Variants in RP1 observed in about 807,000 individuals in gnomAD.
RP1 encodes the protein oxygen-regulated protein 1.
RP1 carries 16 observed loss-of-function variants against 14.8 expected under a neutral mutation model. The observed-to-expected ratio is 1.08, with a 90% confidence interval of 0.73 to 1.65. The LOEUF (loss-of-function observed/expected upper bound fraction) is 1.65, where lower values mean the gene tolerates loss of function less well. Among genes scored for constraint, RP1 ranks in the 40% most tolerant of loss-of-function variants. The pLI is 0.00. For synonymous variants in RP1, 876 were observed against 883.6 expected (o/e 0.99, Z 0.15); for missense variants, 2,631 against 2,535.0 (o/e 1.04, Z -0.81).
chr8:54,849,934 T>C (rs3824189), intron 25 of RP1, among the ~76,000 whole-genome samples: 36,890 of 152,086 alleles, frequency 0.24, 5,198 homozygotes, highest in Middle Eastern at 0.45. Flanking sequence ...AAATACATAG[T>C]GTAGCTATCA....
At chr8:54,830,537 G>T (rs960446309) in intron 24 of RP1, among the ~76,000 whole-genome samples, 1 of 151,658 alleles carries the variant, frequency 6.6e-6, no homozygotes, top group Non-Finnish European at 1.5e-5. Flanking sequence ...GTGTTTTCTT[G>T]GTATCTCATT....
intron 4 of RP1, among the ~76,000 whole-genome samples, chr8:54,651,046 G>A (rs1806646797): frequency 6.6e-6 from 1 of 151,742 alleles, no homozygotes; most frequent in African/African-American, 2.4e-5. Flanking sequence ...GGGCAGTTTG[G>A]CATCAATTGA....
chr8:54,596,529 T>C (rs1049801700), intron 1 of RP1, among the ~76,000 whole-genome samples: 1 of 152,210 alleles, frequency 6.6e-6, no homozygotes, highest in African/African-American at 2.4e-5. Flanking sequence ...ACCACCTAGA[T>C]GTCTATGACC....
intron 6 of RP1, among the ~76,000 whole-genome samples, chr8:54,663,370 G>GA (rs1050600987): frequency 2.7e-5 from 4 of 150,902 alleles, no homozygotes; most frequent in Non-Finnish European, 5.9e-5. Context: ...GATATGGAAA[G>GA]AAAAAAAAAG....
At chr8:54,633,729 CTCTCTCTCTA>C (rs1372252936), downstream of RP1, among the ~76,000 whole-genome samples, 4 of 136,600 alleles carry the variant, frequency 2.9e-5, no homozygotes, top group Middle Eastern at 3.3e-3. Context: ...CTCTCTCTCT[CTCTCTCTCTA>C]TATATATATA....
At chr8:54,827,608 G>A (rs1811413619) in intron 24 of RP1, among the ~76,000 whole-genome samples, 1 of 152,174 alleles carries the variant, frequency 6.6e-6, no homozygotes, top group Non-Finnish European at 1.5e-5. Context: ...GGGATTACAG[G>A]CGTGAGCCAC....
intron 21 of RP1, chr8:54,758,839 T>TG: frequency 7.1e-7 from 1 of 1,403,414 alleles, no homozygotes. Flanking sequence ...CTGGCAGTCG[T>TG]TTAACTATTA....
At chr8:54,851,089 G>A (rs537965590) in intron 25 of RP1, among the ~76,000 whole-genome samples, 1 of 152,262 alleles carries the variant, frequency 6.6e-6, no homozygotes, top group East Asian at 1.9e-4. Flanking sequence ...GCATGTGCGT[G>A]CATACTTTTT....
intron 1 of RP1, among the ~76,000 whole-genome samples, chr8:54,581,934 G>T (rs1048716704): frequency 1.1e-3 from 161 of 151,954 alleles, no homozygotes; most frequent in African/African-American, 3.5e-3. Flanking sequence ...TGCAAAAATT[G>T]TCTCCCATTC....
chr8:54,680,516 G>A (rs944233456), intron 12 of RP1, among the ~76,000 whole-genome samples: 5 of 152,126 alleles, frequency 3.3e-5, no homozygotes, highest in Non-Finnish European at 1.5e-5. Flanking sequence ...CAACACCTAT[G>A]AATTTAACTG....
intron 12 of RP1, among the ~76,000 whole-genome samples, chr8:54,697,904 A>C (rs911967696): frequency 1.3e-5 from 2 of 152,240 alleles, no homozygotes; most frequent in Admixed American, 1.3e-4. Flanking sequence ...GATGGATTAA[A>C]GACTTAAACG....
At chr8:54,725,477 C>A (rs1397007387) in intron 16 of RP1, among the ~76,000 whole-genome samples, 2 of 152,134 alleles carry the variant, frequency 1.3e-5, no homozygotes, top group Non-Finnish European at 2.9e-5. Flanking sequence ...CTTCAGCCAC[C>A]AGTATTGTAT....
chr8:54,717,693 G>A (rs1808435961), intron 15 of RP1, among the ~76,000 whole-genome samples: 1 of 152,040 alleles, frequency 6.6e-6, no homozygotes, highest in South Asian at 2.1e-4. Flanking sequence ...CAAGAACAAA[G>A]CAAGGACATC....
At chr8:54,631,910 C>T (rs1406691295), downstream of RP1, among the ~76,000 whole-genome samples, 10 of 151,480 alleles carry the variant, frequency 6.6e-5, no homozygotes, top group South Asian at 1.5e-3. Context: ...GGTGCGATCT[C>T]GGCTCACCGC....
chr8:54,809,379 C>T (rs78967290), intron 24 of RP1, among the ~76,000 whole-genome samples: 3,434 of 152,264 alleles, frequency 0.023, 125 homozygotes, highest in African/African-American at 0.077. Context: ...CAAATTCTCA[C>T]AGGATATCAA....
chr8:54,769,776 C>A lies in RP1; in HGVS notation c.3284C>A (p.Ser1095Ter). 1 of 1,533,832 alleles carries A rather than the reference C, an allele frequency of 6.5e-7. No homozygotes were observed. Among genetic ancestry groups the A allele is most frequent in the Non-Finnish European group, 8.7e-7 (1 of 1,145,448 alleles). ...TTCATGTCTCAGGGCATAATTCATT[C>A]AGAAATTGAACTTTATCTTCAAGGT... The change falls in exon 23 of 23, where the codon TCA becomes TAA. Residue 1095 changes from serine (S) to a stop codon, truncating the protein, a stop_gained. Transcript: ENST00000636932. LOFTEE classifies it high-confidence loss of function.
rs76824553 is a variant in RP1, at chr8:54,744,737, C to T, written c.2808+5708C>T. On this transcript the variant is annotated intron_variant, in intron 19 of 22. Coordinates refer to the RP1 transcript ENST00000636932. ...AATACACTGGAAGTTTATTGCTATA[C>T]GGTACAAAATTTTATTCCTCCACGT... 2.5e-3 allele frequency among the ~76,000 whole-genome samples: 375 copies of T among 152,270 alleles called. 1 individual carries two copies. The highest frequency in any genetic ancestry group is 8.2e-3 in the African/African-American group (340 of 41,564).
At chr8:54,769,267 C>G (rs1809842362) in intron 22 of RP1, among the ~76,000 whole-genome samples, 1 of 152,166 alleles carries the variant, frequency 6.6e-6, no homozygotes, top group South Asian at 2.1e-4. Flanking sequence ...GACAGAAACT[C>G]TCATAGAGGA....
chr8:54,740,788 C>T (rs1429470328), intron 19 of RP1, among the ~76,000 whole-genome samples: 1 of 151,284 alleles, frequency 6.6e-6, no homozygotes, highest in Non-Finnish European at 1.5e-5. Flanking sequence ...TCATGCCTGT[C>T]ATCTCAGCAC....
Sources: allele counts gnomAD v4.1 joint callset (sites outside exome capture counted in the v4.1 genomes callset), GRCh38; gene constraint gnomAD v4.1.1; transcripts MANE v1.5; gene names NCBI Gene and HGNC (gene_info 2026-07-23, HGNC 2026-07-21).